Variants in KCNMB2 observed in about 807,000 individuals in gnomAD.
KCNMB2 encodes the protein potassium calcium-activated channel subfamily M regulatory beta subunit 2.
A neutral mutation model predicts 24.5 loss-of-function variants in KCNMB2; 9 were observed. The ratio of observed to expected loss-of-function variants is 0.37; its 90% CI spans 0.22 to 0.64. The LOEUF (loss-of-function observed/expected upper bound fraction) is 0.64, where lower values mean the gene tolerates loss of function less well. Among genes scored for constraint, KCNMB2 ranks in the 30% least tolerant of loss-of-function variants. The probability of loss-of-function intolerance (pLI) is 0.63; values close to 1 mark genes in which losing one functional copy is unlikely to be tolerated. For synonymous variants in KCNMB2, 109 were observed against 104.4 expected (o/e 1.04, Z -0.27); for missense variants, 226 against 284.3 (o/e 0.79, Z 1.47).
intron 2 of KCNMB2, among the ~76,000 whole-genome samples, chr3:178,818,298 A>T (rs61798084): frequency 0.15 from 22,930 of 152,204 alleles, 1,953 homozygotes; most frequent in Non-Finnish European, 0.2. Flanking sequence ...TCTGGGGTAC[A>T]TGTGCAGGAT....
At chr3:178,584,678 T>C (rs535322289) in intron 1 of KCNMB2, among the ~76,000 whole-genome samples, 121 of 150,464 alleles carry the variant, frequency 8.0e-4, no homozygotes, top group African/African-American at 2.9e-3. Flanking sequence ...TTAACAGTCT[T>C]AATAAATAAT....
chr3:178,774,798 A>G (rs745848121), intron 1 of KCNMB2, among the ~76,000 whole-genome samples: 1 of 152,256 alleles, frequency 6.6e-6, no homozygotes, highest in Non-Finnish European at 1.5e-5. Context: ...GCAGACAGTA[A>G]GAACAATAGC....
At chr3:178,556,786 G>A (rs1014952139) in intron 1 of KCNMB2, among the ~76,000 whole-genome samples, 11 of 152,156 alleles carry the variant, frequency 7.2e-5, no homozygotes, top group Admixed American at 5.9e-4. Flanking sequence ...AAGGAAGAGC[G>A]AATTTTACAG....
chr3:178,666,225 C>A (rs1445398488), intron 1 of KCNMB2, among the ~76,000 whole-genome samples: 1 of 152,136 alleles, frequency 6.6e-6, no homozygotes, highest in Non-Finnish European at 1.5e-5. Flanking sequence ...ACACTACTTA[C>A]ATTTGCAAGA....
At chr3:178,675,407 AT>A (rs1375974677) in intron 1 of KCNMB2, among the ~76,000 whole-genome samples, 1 of 152,150 alleles carries the variant, frequency 6.6e-6, no homozygotes, top group Non-Finnish European at 1.5e-5. Context: ...GAGTGAGGTG[AT>A]GTTCAGTTTA....
At chr3:178,758,561 G>GAT (rs754815380) in intron 1 of KCNMB2, among the ~76,000 whole-genome samples, 2,651 of 16,924 alleles carry the variant, frequency 0.16, 551 homozygotes, top group Middle Eastern at 0.2. Context: ...TCCAAGAGGA[G>GAT]ATATATATAT....
chr3:178,666,989 AG>A (rs1287802595), intron 1 of KCNMB2, among the ~76,000 whole-genome samples: 3 of 152,168 alleles, frequency 2.0e-5, no homozygotes, highest in Non-Finnish European at 2.9e-5. Flanking sequence ...AATCACCACT[AG>A]ATTACTTATA....
intron 1 of KCNMB2, among the ~76,000 whole-genome samples, chr3:178,681,301 A>C (rs191554759): frequency 3.2e-4 from 49 of 152,356 alleles, no homozygotes; most frequent in African/African-American, 1.2e-3. Context: ...GATTGTTGTA[A>C]GCAGTGAGAA....
At chr3:178,829,565 G>T (rs768271741) in intron 4 of KCNMB2, among the ~76,000 whole-genome samples, 22 of 152,092 alleles carry the variant, frequency 1.4e-4, no homozygotes, top group Non-Finnish European at 2.9e-4. Flanking sequence ...CAGTCCCAGC[G>T]CTGTGCTGCA....
chr3:178,608,026 C>T (rs941660635), intron 1 of KCNMB2, among the ~76,000 whole-genome samples: 2 of 152,086 alleles, frequency 1.3e-5, no homozygotes, highest in African/African-American at 4.8e-5. Flanking sequence ...TATTTTGAAT[C>T]ATCCTAAACA....
intron 1 of KCNMB2, among the ~76,000 whole-genome samples, chr3:178,547,718 C>CT (rs1442184765): frequency 6.6e-6 from 1 of 152,064 alleles, no homozygotes; most frequent in African/African-American, 2.4e-5. Flanking sequence ...CACTTTAGAG[C>CT]TTTTTTCAGT....
chr3:178,646,325 C>T (rs1719921956), intron 1 of KCNMB2, among the ~76,000 whole-genome samples: 1 of 152,172 alleles, frequency 6.6e-6, no homozygotes, highest in African/African-American at 2.4e-5. Context: ...GCTCAACCTC[C>T]ATGACAAAGG....
rs184264321 is a variant in KCNMB2, at chr3:178,801,346, A to C, written c.-67-5997A>C. 1.7e-3 allele frequency among the ~76,000 whole-genome samples: 263 copies of C among 152,262 alleles called. 1 individual carries two copies. Among genetic ancestry groups the C allele is most frequent in the African/African-American group, 6.2e-3 (259 of 41,560 alleles). ...CCATAAAAATTAAAAAGAAAGAAAG[A>C]AAAGAAGTCTGCAATAAAAATCCAA... On this transcript the variant is annotated intron_variant, in intron 1 of 4. Transcript: ENST00000452583.
intron 1 of KCNMB2, among the ~76,000 whole-genome samples, chr3:178,645,369 G>C (rs138157257): frequency 1.0e-3 from 158 of 152,186 alleles, no homozygotes; most frequent in Non-Finnish European, 1.9e-3. Context: ...AGATTCTTAT[G>C]TTTTCTCTCC....
At chr3:178,766,533 A>C (rs1252844587) in intron 1 of KCNMB2, among the ~76,000 whole-genome samples, 1 of 152,072 alleles carries the variant, frequency 6.6e-6, no homozygotes, top group East Asian at 1.9e-4. Flanking sequence ...CAGTTAACCT[A>C]ATTCTGCCTT....
At chr3:178,583,090 G>A (rs1047617598) in intron 1 of KCNMB2, among the ~76,000 whole-genome samples, 8 of 152,070 alleles carry the variant, frequency 5.3e-5, no homozygotes, top group Non-Finnish European at 1.2e-4. Flanking sequence ...TGTGCTTTGA[G>A]TTCAATATAA....
chr3:178,660,061 G>A (rs535964851), intron 1 of KCNMB2, among the ~76,000 whole-genome samples: 34 of 152,198 alleles, frequency 2.2e-4, no homozygotes, highest in Middle Eastern at 3.4e-3. Context: ...CTTCTATCCT[G>A]CAGCATGAGA....
At chr3:178,569,724 G>A (rs1716701893) in intron 1 of KCNMB2, among the ~76,000 whole-genome samples, 1 of 152,164 alleles carries the variant, frequency 6.6e-6, no homozygotes, top group Admixed American at 6.6e-5. Flanking sequence ...TTATATAAAT[G>A]TAAATATTTA....
At chr3:178,598,541 C>T (rs1717960720) in intron 1 of KCNMB2, among the ~76,000 whole-genome samples, 1 of 151,750 alleles carries the variant, frequency 6.6e-6, no homozygotes, top group African/African-American at 2.4e-5. Flanking sequence ...GCTATGATTA[C>T]AGTAGAGTTT....
Sources: allele counts gnomAD v4.1 joint callset (sites outside exome capture counted in the v4.1 genomes callset), GRCh38; gene constraint gnomAD v4.1.1; transcripts MANE v1.5; gene names NCBI Gene and HGNC (gene_info 2026-07-23, HGNC 2026-07-21).